CAPN7: variants seen among roughly 807,000 people sequenced by gnomAD.
CAPN7 encodes calpain-7.
In CAPN7, 72 loss-of-function variants were observed where a neutral mutation model predicts 115.2. The observed-to-expected ratio is 0.63, with a 90% confidence interval of 0.52 to 0.76. The LOEUF is 0.76. Ranked by LOEUF, CAPN7 falls within the 30% of genes least tolerant of loss-of-function variation. The pLI is 0.00. For synonymous variants in CAPN7, 344 were observed against 322.3 expected, an observed-to-expected ratio of 1.07 and a Z score of -0.72; for missense variants, 905 against 971.5, an observed-to-expected ratio of 0.93 and a Z score of 0.91.
intron 6 of CAPN7, among the ~76,000 whole-genome samples, chr3:15,226,435 A>G (rs967201776): frequency 1.2e-4 from 18 of 152,300 alleles, no homozygotes; most frequent in Admixed American, 8.5e-4. Flanking sequence ...ATAATCCTCT[A>G]GTGACTTGAG....
chr3:15,216,605 C>G (rs1693615062), intron 2 of CAPN7, among the ~76,000 whole-genome samples: 1 of 152,016 alleles, frequency 6.6e-6, no homozygotes, highest in Admixed American at 6.6e-5. Context: ...ATAACATATT[C>G]TAGGCTCAGG....
In CAPN7 at chr3:15,235,059, A is replaced by G. The variant is rs1207322536; in HGVS notation, c.1321A>G (p.Thr441Ala). ...HKGDVLITAS[T>A]GMMTEAEGEK... ...AGGAGATGTCCTCATCACTGCGTCAACTGGAATGATGACAGAAGCTGAAGG... is the reference window on the plus strand; with the variant it reads ...AGGAGATGTCCTCATCACTGCGTCAGCTGGAATGATGACAGAAGCTGAAGG... Residue 441 changes from threonine to alanine, a missense_variant, in exon 12 of 21, where the codon ACT (threonine) becomes GCT (alanine). Thr to Ala is a moderately conservative substitution (Grantham distance 58). Transcript: ENST00000253693. 1.9e-6 allele frequency: 3 copies of G among 1,612,778 alleles called. No homozygotes were observed. The highest frequency in any genetic ancestry group is 1.7e-6 in the Non-Finnish European group (2 of 1,178,970).
chr3:15,249,025 C>CAAAAAAA (rs59492817), intron 19 of CAPN7, among the ~76,000 whole-genome samples: 1 of 130,758 alleles, frequency 7.6e-6, no homozygotes, highest in South Asian at 2.2e-4. Context: ...AAAAAAAAAA[C>CAAAAAAA]AAAAACAGAA....
At chr3:15,242,346 A>C (rs1695399057) in intron 16 of CAPN7, 93 bp downstream of exon 16, 1 of 737,470 alleles carries the variant, frequency 1.4e-6, no homozygotes, top group Non-Finnish European at 2.2e-6. Context: ...TATGTAGATA[A>C]TATAGAGAAA....
chr3:15,222,635 T>C (rs1694069339), intron 5 of CAPN7, among the ~76,000 whole-genome samples: 1 of 152,194 alleles, frequency 6.6e-6, no homozygotes, highest in South Asian at 2.1e-4. Context: ...GTTTTGAAGC[T>C]AAAAGACTAA....
chr3:15,228,790 C>A (rs1304995610), intron 7 of CAPN7, among the ~76,000 whole-genome samples, 184 bp from the exon 8 acceptor site: 1 of 152,052 alleles, frequency 6.6e-6, no homozygotes, highest in Non-Finnish European at 1.5e-5. Flanking sequence ...ATAATATGTA[C>A]AACAAACACC....
chr3:15,239,924 G>A (rs967719463), intron 12 of CAPN7, among the ~76,000 whole-genome samples: 1 of 152,164 alleles, frequency 6.6e-6, no homozygotes, highest in African/African-American at 2.4e-5. Context: ...GGAACAGCAT[G>A]ATCAATTGCC....
intron 5 of CAPN7, among the ~76,000 whole-genome samples, 182 bp from the exon 6 acceptor site, chr3:15,223,291 TCA>T (rs1184913573): frequency 1.3e-5 from 2 of 152,232 alleles, no homozygotes; most frequent in African/African-American, 4.8e-5. Flanking sequence ...TTGAATTGAT[TCA>T]GTTATTTTCT....
Position 15,251,288 on chromosome 3 carries a change from A to T in CAPN7, c.*28A>T. 1 of 1,548,452 alleles carries T rather than the reference A, an allele frequency of 6.5e-7. No homozygotes were observed. Among genetic ancestry groups the T allele is most frequent in the Non-Finnish European group, 8.7e-7 (1 of 1,148,406 alleles). On this transcript the variant is annotated 3_prime_UTR_variant, in exon 21 of 21. Transcript: ENST00000253693. Reference sequence around the variant, plus strand: ...GAGAAATCTCAAGTTACTGGCTTTTATACTTACCAAACATCAGTTCTTCAA... The same window carrying T: ...GAGAAATCTCAAGTTACTGGCTTTTTTACTTACCAAACATCAGTTCTTCAA...
At chr3:15,229,464 ATGCAAAAT>A (rs1315731443) in intron 8 of CAPN7, among the ~76,000 whole-genome samples, 1 of 152,144 alleles carries the variant, frequency 6.6e-6, no homozygotes, top group Non-Finnish European at 1.5e-5. Flanking sequence ...AACATAAAAA[ATGCAAAAT>A]TGCAAAATAT....
Position 15,246,789 on chromosome 3 carries a change from A to G in CAPN7, c.2068A>G (p.Lys690Glu), listed in dbSNP as rs747554180. Residue 690 changes from lysine to glutamate, a missense_variant, in exon 18 of 21, where the codon AAA becomes GAA. Lys to Glu is a moderately conservative substitution (Grantham distance 56, BLOSUM62 1). Transcript: ENST00000253693. ...GATTCCTTCACCATACACCTTATCA[A>G]AACGGGTGAGAAAATTCATTTGGTT... is the stretch of plus-strand genomic sequence containing the variant. ...SKIPSPYTLS[K>E]RINGKWSGQS... is the part of the protein sequence containing the mutation. 12 of 1,599,556 alleles carry G rather than the reference A, an allele frequency of 7.5e-6. No homozygotes were observed. The South Asian group carries it at 1.4e-4, about 18-fold the overall frequency.
intron 1 of CAPN7, among the ~76,000 whole-genome samples, chr3:15,210,610 TTTTG>T (rs1236107495): frequency 1.4e-5 from 2 of 146,208 alleles, no homozygotes; most frequent in African/African-American, 5.4e-5. Context: ...TTTTTTTTTT[TTTTG>T]GACAGTATCT....
chr3:15,240,252 C>G (rs1695261154), intron 12 of CAPN7, among the ~76,000 whole-genome samples: 1 of 152,212 alleles, frequency 6.6e-6, no homozygotes, highest in African/African-American at 2.4e-5. Context: ...TTTAACTTAA[C>G]TACATGCGGT....
At chr3:15,247,249 TG>T in intron 18 of CAPN7, 77 bp from the exon 19 acceptor site, 2 of 1,032,882 alleles carry the variant, frequency 1.9e-6, no homozygotes, top group South Asian at 2.1e-5. Flanking sequence ...TTTTTTTTTT[TG>T]AGATGGAAAG....
At chr3:15,244,025 A>G (rs1461951368) in intron 16 of CAPN7, among the ~76,000 whole-genome samples, 4 of 152,198 alleles carry the variant, frequency 2.6e-5, no homozygotes, top group Admixed American at 2.6e-4. Flanking sequence ...CATAGTGGAG[A>G]GGTGGGGCTA....
intron 4 of CAPN7, 84 bp downstream of exon 4, chr3:15,218,624 G>A: frequency 2.1e-6 from 2 of 954,082 alleles, no homozygotes; most frequent in Admixed American, 2.1e-5. Context: ...TGTAAAGGCT[G>A]CAGTAACAAA....
intron 9 of CAPN7, among the ~76,000 whole-genome samples, chr3:15,230,969 A>G (rs187934388): frequency 4.6e-5 from 7 of 152,230 alleles, no homozygotes; most frequent in African/African-American, 1.7e-4. Context: ...ATTCACACAA[A>G]TTTCTTTAAG....
chr3:15,250,806 G>GTT, intron 19 of CAPN7, 125 bp from the exon 20 acceptor site: 2 of 653,160 alleles, frequency 3.1e-6, no homozygotes, highest in Non-Finnish European at 2.6e-6. Context: ...AATAGAGTGT[G>GTT]TATGTTTCTA....
Position 15,249,681 on chromosome 3 carries a change from T to G in CAPN7, c.2205-1250T>G, listed in dbSNP as rs1459617856. Among the ~76,000 whole-genome samples the G allele has an allele frequency of 2.6e-5, 4 of 152,284 alleles. No individual in the cohort carries two copies. The East Asian group carries it at 7.7e-4, about 29-fold the overall frequency. On this transcript the variant is annotated intron_variant, in intron 19 of 20. Transcript: ENST00000253693. Reference sequence around the variant, plus strand: ...GATTTGGAATGCCACGTTTATAATATGCTAAGTACTTCTGTAAATTCAGAG... The same window carrying G: ...GATTTGGAATGCCACGTTTATAATAGGCTAAGTACTTCTGTAAATTCAGAG...
Sources: gnomAD v4.1 joint callset for allele counts (sites outside exome capture counted in the v4.1 genomes callset) on GRCh38, gnomAD v4.1.1 for gene constraint, MANE v1.5 for transcripts, NCBI Gene and HGNC (gene_info 2026-07-23, HGNC 2026-07-21) for gene names.